The following ITPR2 variants were observed in gnomAD, a reference collection of about 807,000 sequenced individuals.
The protein encoded by ITPR2 is inositol 1,4,5-trisphosphate-gated calcium channel ITPR2.
In ITPR2, 207 loss-of-function variants were observed where a neutral mutation model predicts 317.1. The ratio of observed to expected loss-of-function variants is 0.65; its 90% CI spans 0.58 to 0.73. The LOEUF (loss-of-function observed/expected upper bound fraction) is 0.73, where lower values mean the gene tolerates loss of function less well. Ranked by LOEUF, ITPR2 falls within the 30% of genes least tolerant of loss-of-function variation. The pLI is 0.00. For missense variants in ITPR2, 2,613 were observed against 3,284.0 expected (o/e 0.80, Z 4.99); for synonymous variants, 1,156 against 1,149.1 (o/e 1.01, Z -0.12).
chr12:26,768,482 CAA>C (rs55646801), intron 2 of ITPR2, among the ~76,000 whole-genome samples: 4 of 92,884 alleles, frequency 4.3e-5, no homozygotes, highest in East Asian at 4.1e-4. Context: ...TTGTGCAACT[CAA>C]AAAAAAAAAA....
intron 55 of ITPR2, among the ~76,000 whole-genome samples, chr12:26,381,605 CA>C (rs1939511944): frequency 6.6e-6 from 1 of 152,218 alleles, no homozygotes; most frequent in South Asian, 2.1e-4. Context: ...TTACGACAGA[CA>C]ATTATTATGT....
At chr12:26,803,934 G>C (rs1296052738) in intron 1 of ITPR2, among the ~76,000 whole-genome samples, 1 of 152,062 alleles carries the variant, frequency 6.6e-6, no homozygotes, top group Non-Finnish European at 1.5e-5. Flanking sequence ...GAAACTTGGA[G>C]GCTGTAAATC....
chr12:26,347,259 GA>G (rs2136552087), intron 55 of ITPR2, among the ~76,000 whole-genome samples: 1 of 152,320 alleles, frequency 6.6e-6, no homozygotes, highest in Non-Finnish European at 1.5e-5. Flanking sequence ...GAAATAATGT[GA>G]TTGGCTTATG....
intron 1 of ITPR2, among the ~76,000 whole-genome samples, chr12:26,828,065 C>T (rs1284199019): frequency 6.6e-6 from 1 of 152,218 alleles, no homozygotes; most frequent in Non-Finnish European, 1.5e-5. Context: ...GCCACAGCAT[C>T]TTCTCTCCTT....
At chr12:26,585,304 C>CA (rs1565620930) in intron 32 of ITPR2, among the ~76,000 whole-genome samples, 2 of 152,044 alleles carry the variant, frequency 1.3e-5, no homozygotes, top group African/African-American at 4.8e-5. Flanking sequence ...TAAAAATTCT[C>CA]AAAAAATAAT....
intron 2 of ITPR2, 128 bp from the exon 3 acceptor site, chr12:26,725,893 G>A (rs1033636705): frequency 7.1e-5 from 43 of 607,288 alleles, no homozygotes; most frequent in Non-Finnish European, 8.8e-5. Flanking sequence ...CATATAGTCC[G>A]TCCTCCAGCC....
In ITPR2 at chr12:26,832,571, A is replaced by G. The variant is rs1250835854; in HGVS notation, c.92+119T>C. ...CGCACGGCGCTGTCCGCGGGCGCCG[A>G]CCCTGCCCGGCCGGGCCACCACGCG... On this transcript the variant is annotated intron_variant, in intron 1 of 56. Coordinates refer to ENST00000381340, the MANE Select transcript of ITPR2 (RefSeq NM_002223.4). 1.5e-5 allele frequency: 10 copies of G among 657,864 alleles called. 1 individual carries two copies. In the Admixed American group the frequency reaches 3.2e-4, roughly 21 times the overall value. The allele number at this position is 657,864 out of a possible 1,614,324, so 40.8% of individuals were successfully genotyped here.
At chr12:26,582,924 T>C (rs1158723705) in intron 32 of ITPR2, among the ~76,000 whole-genome samples, 2 of 152,136 alleles carry the variant, frequency 1.3e-5, no homozygotes, top group African/African-American at 4.8e-5. Context: ...AGGCACCTAC[T>C]CTACCTCTGC....
rs189276296 is a variant in ITPR2 at position 26,437,135 on chromosome 12, G to T, written c.6644-789C>A. The stretch of plus-strand genomic sequence containing the variant: ...TTAAATAACTGAACGGATTGGTAAT[G>T]CATGTAAGTTTGAATGACAGCCAAA... On this transcript the variant is annotated intron_variant, in intron 47 of 56. Transcript: ENST00000381340. Among the ~76,000 whole-genome samples, 1,155 of 152,286 alleles carry T rather than the reference G, an allele frequency of 7.6e-3. 8 individuals carry two copies. The highest frequency in any genetic ancestry group is 0.01 in the Non-Finnish European group (707 of 68,024).
At chr12:26,768,076 T>G (rs935503241) in intron 2 of ITPR2, among the ~76,000 whole-genome samples, 1 of 152,200 alleles carries the variant, frequency 6.6e-6, no homozygotes, top group African/African-American at 2.4e-5. Flanking sequence ...TATCTACTGC[T>G]TTTAACATGT....
chr12:26,544,853 G>A (rs1031788707), intron 37 of ITPR2, among the ~76,000 whole-genome samples: 14 of 152,024 alleles, frequency 9.2e-5, no homozygotes, highest in Non-Finnish European at 1.3e-4. Flanking sequence ...CAGGTATTGG[G>A]TAACCTATGT....
intron 1 of ITPR2, among the ~76,000 whole-genome samples, chr12:26,811,882 G>C (rs1277866123): frequency 7.0e-6 from 1 of 143,684 alleles, no homozygotes; most frequent in African/African-American, 2.6e-5. Context: ...AGAAATCTAG[G>C]GCCGGGCGTG....
intron 48 of ITPR2, among the ~76,000 whole-genome samples, chr12:26,429,433 G>A (rs1335778960): frequency 6.6e-6 from 1 of 152,120 alleles, no homozygotes; most frequent in East Asian, 1.9e-4. Context: ...TTGTCCTCTG[G>A]CAATGCTAAC....
intron 5 of ITPR2, among the ~76,000 whole-genome samples, chr12:26,720,227 G>A (rs949567859): frequency 8.5e-5 from 13 of 152,180 alleles, no homozygotes; most frequent in Admixed American, 8.5e-4. Context: ...CCAGACTATC[G>A]TCAGCCTATT....
intron 11 of ITPR2, among the ~76,000 whole-genome samples, chr12:26,684,692 A>C (rs1433378858): frequency 2.0e-5 from 3 of 152,328 alleles, no homozygotes; most frequent in Admixed American, 2.0e-4. Flanking sequence ...TAATTATTCT[A>C]TATAAAGTGA....
At position 26,509,687 on chromosome 12, in the gene ITPR2, T is replaced by TTAAA. The variant is rs575192112; in HGVS notation, c.5074-14428_5074-14427insTTTA. On this transcript the variant is annotated intron_variant, in intron 37 of 56. Transcript: ENST00000381340. ...TGTATGTGTCAATTAGGAGCCAATT[T>TTAAA]CCTTTTAAAACTGTCTAATGTTTAG... is the stretch of plus-strand genomic sequence containing the variant. 8.9e-4 allele frequency among the ~76,000 whole-genome samples: 136 copies of TTAAA among 152,282 alleles called. No individual in the cohort carries two copies. In the East Asian group the frequency reaches 0.022, roughly 24 times the overall value.
intron 20 of ITPR2, 25 bp from the exon 21 acceptor site, chr12:26,654,151 A>C: frequency 7.0e-6 from 10 of 1,435,180 alleles, no homozygotes; most frequent in Non-Finnish European, 5.6e-6. Flanking sequence ...AAAAGCGGGG[A>C]GGGGGAGGGT....
At position 26,632,633 on chromosome 12, in the gene ITPR2, AT is replaced by A. The variant is rs1162071932; in HGVS notation, c.2741-575del. Reference sequence around the variant, plus strand: ...CTGGGGAAGACATATGCATTAGCCAATACACTTCCCATTCCTTCATCCAATT... The same window carrying A: ...CTGGGGAAGACATATGCATTAGCCAAACACTTCCCATTCCTTCATCCAATT... On this transcript the variant is annotated intron_variant, in intron 21 of 56. Coordinates refer to ENST00000381340, the MANE Select transcript of ITPR2 (RefSeq NM_002223.4). 2.0e-5 allele frequency among the ~76,000 whole-genome samples: 3 copies of A among 152,206 alleles called. No homozygotes were observed. In the East Asian group the frequency reaches 5.8e-4, roughly 29 times the overall value.
At chr12:26,799,513 A>G (rs528909140) in intron 1 of ITPR2, among the ~76,000 whole-genome samples, 2 of 152,358 alleles carry the variant, frequency 1.3e-5, no homozygotes, top group Admixed American at 1.3e-4. Context: ...AAGGGGAAAA[A>G]CAACTAAAAG....
Sources: allele counts gnomAD v4.1 joint callset (sites outside exome capture counted in the v4.1 genomes callset), GRCh38; gene constraint gnomAD v4.1.1; transcripts MANE v1.5; gene names NCBI Gene and HGNC (gene_info 2026-07-23, HGNC 2026-07-21).